The following TP53BP2 variants were observed in gnomAD, a reference collection of about 807,000 sequenced individuals.
The protein encoded by TP53BP2 is tumor protein p53 binding protein 2.
A neutral mutation model predicts 126.2 loss-of-function variants in TP53BP2; 62 were observed. That is an observed-to-expected ratio of 0.49 (90% CI 0.40 to 0.61). The LOEUF (loss-of-function observed/expected upper bound fraction) is 0.61. TP53BP2 is among the 20% of genes least tolerant of loss of function. The pLI is 0.00. For missense variants in TP53BP2, 1,215 were observed against 1,402.8 expected (o/e 0.87, Z 2.14); for synonymous variants, 485 against 502.9 (o/e 0.96, Z 0.48).
chr1:223,821,666 A>G (rs2102873642), intron 1 of TP53BP2, among the ~76,000 whole-genome samples: 1 of 152,306 alleles, frequency 6.6e-6, no homozygotes, highest in South Asian at 2.1e-4. Context: ...ATACTTATAT[A>G]TGCTGGACCC....
chr1:223,811,714 GAC>G (rs1221793866), intron 3 of TP53BP2, among the ~76,000 whole-genome samples: 1 of 152,130 alleles, frequency 6.6e-6, no homozygotes, highest in African/African-American at 2.4e-5. Flanking sequence ...AGAATATGGT[GAC>G]AGTCTCCTAA....
chr1:223,812,155 A>G (rs973920524), intron 3 of TP53BP2, among the ~76,000 whole-genome samples: 11 of 152,090 alleles, frequency 7.2e-5, no homozygotes, highest in African/African-American at 2.4e-4. Flanking sequence ...AAAGGCAACC[A>G]GGTAGCTTGG....
At chr1:223,786,943 C>T (rs1011517642) in intron 16 of TP53BP2, among the ~76,000 whole-genome samples, 1 of 151,414 alleles carries the variant, frequency 6.6e-6, no homozygotes, top group South Asian at 2.1e-4. Context: ...GTTGCCCAGG[C>T]TGGAGTGCAA....
chr1:223,803,166 C>T, intron 7 of TP53BP2, 105 bp downstream of exon 7: 1 of 1,377,410 alleles, frequency 7.3e-7, no homozygotes, highest in South Asian at 1.4e-5. Context: ...CCTGCCTTCT[C>T]TTTAAGGAAA....
chr1:223,811,075 A>G (rs1417328845), intron 3 of TP53BP2, among the ~76,000 whole-genome samples: 7 of 152,162 alleles, frequency 4.6e-5, no homozygotes, highest in African/African-American at 1.7e-4. Context: ...CATTTATTTA[A>G]GCAAAATATT....
At chr1:223,838,500 C>T (rs750473979) in intron 1 of TP53BP2, among the ~76,000 whole-genome samples, 2 of 152,196 alleles carry the variant, frequency 1.3e-5, no homozygotes. Context: ...CACTCCACTC[C>T]CATCTGGACA....
intron 1 of TP53BP2, among the ~76,000 whole-genome samples, chr1:223,831,466 TAAA>T (rs1157082703): frequency 2.5e-3 from 107 of 43,644 alleles, no homozygotes; most frequent in East Asian, 6.2e-3. Context: ...ATGTACCATC[TAAA>T]AAAAAAAAAA....
chr1:223,837,737 C>G (rs979485691), intron 1 of TP53BP2, among the ~76,000 whole-genome samples: 1 of 152,234 alleles, frequency 6.6e-6, no homozygotes, highest in Non-Finnish European at 1.5e-5. Context: ...ACTGTCCACA[C>G]AGCAACAGAG....
chr1:223,837,881 C>T (rs1360443905), intron 1 of TP53BP2, among the ~76,000 whole-genome samples: 2 of 152,088 alleles, frequency 1.3e-5, no homozygotes, highest in East Asian at 1.9e-4. Context: ...TCTTTTGCTT[C>T]GGCTCTTGTC....
At chr1:223,836,957 G>T (rs1203222743) in intron 1 of TP53BP2, among the ~76,000 whole-genome samples, 1 of 151,928 alleles carries the variant, frequency 6.6e-6, no homozygotes, top group African/African-American at 2.4e-5. Context: ...AACTTTTCAG[G>T]AAATTAACAA....
intron 1 of TP53BP2, among the ~76,000 whole-genome samples, chr1:223,829,614 A>G (rs1663626146): frequency 6.6e-6 from 1 of 152,134 alleles, no homozygotes; most frequent in South Asian, 2.1e-4. Flanking sequence ...CTAGAGTTAA[A>G]GCCTCTGGGA....
chr1:223,837,515 G>A (rs1011209711), intron 1 of TP53BP2, among the ~76,000 whole-genome samples: 5 of 151,974 alleles, frequency 3.3e-5, no homozygotes, highest in Non-Finnish European at 7.4e-5. Flanking sequence ...CTCACCCCTG[G>A]GGCTTCTGAG....
intron 2 of TP53BP2, among the ~76,000 whole-genome samples, chr1:223,817,803 G>C (rs1022562130): frequency 2.0e-5 from 3 of 151,868 alleles, no homozygotes; most frequent in African/African-American, 7.3e-5. Flanking sequence ...GTGGGCGCCT[G>C]TAGTTCCAGC....
In TP53BP2 at chr1:223,835,624, T is replaced by C. The variant is rs561136725; in HGVS notation, c.27+10030A>G. Among the ~76,000 whole-genome samples, 18 of 152,318 alleles carry C rather than the reference T, an allele frequency of 1.2e-4. No individual in the cohort carries two copies. In the East Asian group the frequency reaches 3.3e-3, roughly 28 times the overall value. On this transcript the variant is annotated intron_variant, in intron 1 of 17. Transcript: ENST00000343537. ...CCATTGCTTCTAGTTATTTCCTTCC[T>C]ACCTCCCACTTTGCTATGGAAGTAG...
At chr1:223,818,447 T>G (rs1175989271) in intron 2 of TP53BP2, 6 of 141,948 alleles carry the variant, frequency 4.2e-5, no homozygotes, top group African/African-American at 1.3e-4. Flanking sequence ...GAAGTTGCAG[T>G]GGGCCAAGAT....
At chr1:223,840,822 C>T (rs1664078208) in intron 1 of TP53BP2, among the ~76,000 whole-genome samples, 1 of 152,186 alleles carries the variant, frequency 6.6e-6, no homozygotes, top group Admixed American at 6.5e-5. Flanking sequence ...TAAATATAAG[C>T]AGGTGTATGC....
intron 2 of TP53BP2, among the ~76,000 whole-genome samples, chr1:223,815,864 T>C (rs949638588): frequency 6.6e-6 from 1 of 152,234 alleles, no homozygotes; most frequent in African/African-American, 2.4e-5. Context: ...TAACATGCTG[T>C]ACAGGTTTGT....
At chr1:223,790,791 A>T (rs1662131293) in intron 15 of TP53BP2, among the ~76,000 whole-genome samples, 1 of 151,942 alleles carries the variant, frequency 6.6e-6, no homozygotes, top group East Asian at 1.9e-4. Context: ...TTTTTTATAG[A>T]GACAGGGTCT....
intron 1 of TP53BP2, among the ~76,000 whole-genome samples, chr1:223,835,542 T>C (rs1663892972): frequency 6.6e-6 from 1 of 152,228 alleles, no homozygotes; most frequent in Non-Finnish European, 1.5e-5. Flanking sequence ...TTTTTACTTT[T>C]ACTCACTAAG....
Sources: allele counts gnomAD v4.1 joint callset (sites outside exome capture counted in the v4.1 genomes callset), GRCh38; gene constraint gnomAD v4.1.1; transcripts MANE v1.5; gene names NCBI Gene and HGNC (gene_info 2026-07-23, HGNC 2026-07-21).